DNMT3B: variants seen among roughly 807,000 people sequenced by gnomAD.
DNMT3B encodes DNA methyltransferase 3 beta, also known as DNA (cytosine-5)-methyltransferase 3B.
In DNMT3B, 37 loss-of-function variants were observed where a neutral mutation model predicts 120.2. The observed-to-expected ratio is 0.31, with a 90% CI of 0.24 to 0.40. DNMT3B has a LOEUF of 0.40. DNMT3B is among the 10% of genes least tolerant of loss of function. The pLI is 1.00. For synonymous variants in DNMT3B, 412 were observed against 442.8 expected (o/e 0.93, Z 0.87); for missense variants, 878 against 1,137.3 (o/e 0.77, Z 3.28).
At chr20:32,788,368 G>A (rs1034176025) in intron 6 of DNMT3B, among the ~76,000 whole-genome samples, 3 of 152,144 alleles carry the variant, frequency 2.0e-5, no homozygotes, top group African/African-American at 7.2e-5. Context: ...TTAATTAACC[G>A]ATTCAGGTTG....
chr20:32,797,150 G>A (rs777294366), intron 13 of DNMT3B, 37 bp from the exon 14 acceptor site: 4 of 1,610,566 alleles, frequency 2.5e-6, no homozygotes, highest in Admixed American at 1.7e-5. Flanking sequence ...CCCTTCTCTG[G>A]TCTCCGATTT....
chr20:32,786,659 G>T (rs745567420), intron 5 of DNMT3B, 32 bp downstream of exon 5: 7 of 1,612,924 alleles, frequency 4.3e-6, no homozygotes, highest in South Asian at 2.2e-5. Flanking sequence ...ACCCCTGCCC[G>T]CAGTCTCTAA....
chr20:32,804,884 C>T (rs1981795768), intron 20 of DNMT3B, among the ~76,000 whole-genome samples: 1 of 152,078 alleles, frequency 6.6e-6, no homozygotes, highest in Non-Finnish European at 1.5e-5. Flanking sequence ...CCTCCTGAGG[C>T]TGTATCCCCA....
Position 32,808,016 on chromosome 20 carries a change from G to A in DNMT3B, c.*113G>A, listed in dbSNP as rs563626929. The A allele has an allele frequency of 2.7e-4, 416 of 1,568,388 alleles. No individual in the cohort carries two copies. The highest frequency in any genetic ancestry group is 1.2e-3 in the Admixed American group (67 of 57,278). On this transcript the variant is annotated 3_prime_UTR_variant, in exon 23 of 23. Transcript: ENST00000328111. The stretch of plus-strand genomic sequence containing the variant: ...CTTCCTCAGCTGTGTGGGTCATACC[G>A]TGTACCTCAGTTCCCTCTTGCTCAG...
chr20:32,764,347 C>A (rs1195182639), intron 1 of DNMT3B, among the ~76,000 whole-genome samples: 1 of 152,196 alleles, frequency 6.6e-6, no homozygotes, highest in African/African-American at 2.4e-5. Flanking sequence ...CCACATTGGG[C>A]CTGGGTAAAG....
At chr20:32,800,322 G>A in intron 17 of DNMT3B, 24 bp downstream of exon 17, 1 of 1,613,764 alleles carries the variant, frequency 6.2e-7, no homozygotes, top group Non-Finnish European at 8.5e-7. Flanking sequence ...GTACCTTGCG[G>A]GCCTCATCTC....
intron 1 of DNMT3B, among the ~76,000 whole-genome samples, chr20:32,764,268 C>T (rs1281371736): frequency 6.6e-6 from 1 of 152,150 alleles, no homozygotes; most frequent in Non-Finnish European, 1.5e-5. Flanking sequence ...AGGATGAAAC[C>T]AGTCTTATGC....
At chr20:32,798,178 G>A (rs1275610852) in intron 14 of DNMT3B, among the ~76,000 whole-genome samples, 3 of 152,142 alleles carry the variant, frequency 2.0e-5, no homozygotes, top group African/African-American at 7.2e-5. Flanking sequence ...CTAATTCCCT[G>A]GTTTGCCAGT....
Position 32,792,740 on chromosome 20 carries a change from G to C in DNMT3B, c.1036G>C (p.Glu346Gln). The change falls in exon 9 of 23, where the codon GAG (glutamate) becomes CAG (glutamine). Residue 346 changes from glutamate to glutamine, a missense_variant. This residue lies in a region of DNMT3B where 207 missense variants were observed against 222.6 expected (regional missense o/e 0.93). Transcript: ENST00000328111. ...CGGGGGCTTCAAGCCCACTGGGATC[G>C]AGGGCCTCAAACCCAACAACACGCA... Reference protein sequence around the residue: ...AHGGFKPTGIEGLKPNNTQPV... With the variant: ...AHGGFKPTGIQGLKPNNTQPV... The C allele has an allele frequency of 1.2e-6, 2 of 1,614,190 alleles. No individual in the cohort carries two copies. Among genetic ancestry groups the C allele is most frequent in the Non-Finnish European group, 1.7e-6 (2 of 1,180,032 alleles).
Position 32,801,336 on chromosome 20 carries a change from G to C in DNMT3B, c.2055G>C (p.Lys685Asn), listed in dbSNP as rs144497819. The C allele has an allele frequency of 6.2e-7, 1 of 1,614,054 alleles. No homozygotes were observed. Among genetic ancestry groups the C allele is most frequent in the African/African-American group, 1.3e-5 (1 of 74,920 alleles). ...FYHLLNYSRP[K>N]EGDDRPFFWM... ...ACCTGCTGAATTACTCACGCCCCAA[G>C]GAGGGTGATGACCGGCCGTTCTTCT... Residue 685 changes from lysine (K) to asparagine (N), a missense_variant, in exon 19 of 23, where the codon AAG becomes AAC. Physicochemically the swap from Lys to Asn is moderately conservative, Grantham distance 94. Around this residue, in one of 4 missense-constraint regions of DNMT3B, gnomAD observed 334 missense variants for 518.8 expected, o/e 0.64. Coordinates refer to ENST00000328111, the MANE Select transcript of DNMT3B (RefSeq NM_006892.4).
intron 1 of DNMT3B, among the ~76,000 whole-genome samples, chr20:32,777,542 A>G (rs1365128554): frequency 6.6e-6 from 1 of 152,116 alleles, no homozygotes; most frequent in African/African-American, 2.4e-5. Flanking sequence ...GTCTGCTACC[A>G]GCTCCTGGCC....
chr20:32,797,439 G>A lies in DNMT3B; in HGVS notation c.1490+140G>A, dbSNP rs1568852995. 6.5e-6 allele frequency: 5 copies of A among 773,960 alleles called. No individual in the cohort carries two copies. The East Asian group carries it at 1.3e-4, about 21-fold the overall frequency. The allele number at this position is 773,960 out of a possible 1,614,324, so 47.9% of individuals were successfully genotyped here. On this transcript the variant is annotated intron_variant, in intron 14 of 22. Transcript: ENST00000328111. ...AATTTGCCCTGGAAGCAGCACACAG[G>A]GTTTATATTTTGTGGTGGCTGTGGT...
At chr20:32,795,267 G>A in intron 10 of DNMT3B, 142 bp from the exon 11 acceptor site, 1 of 1,294,076 alleles carries the variant, frequency 7.7e-7, no homozygotes, top group Non-Finnish European at 1.1e-6. Flanking sequence ...TGCCCATCAA[G>A]GGGCCATATA....
chr20:32,789,603 G>C (rs1459030853), intron 7 of DNMT3B, among the ~76,000 whole-genome samples: 1 of 151,998 alleles, frequency 6.6e-6, no homozygotes, highest in Non-Finnish European at 1.5e-5. Context: ...GATTTTTTTG[G>C]GGGCGGTGAG....
In DNMT3B at chr20:32,781,334, C is replaced by G; in HGVS notation, c.143-19C>G. The stretch of plus-strand genomic sequence containing the variant: ...GTGCCTGCCCCCACAAAACAGACTC[C>G]TGGCTGTTTCCTCTACAGGCCGAAG... On this transcript the variant is annotated intron_variant, in intron 2 of 22. Coordinates refer to ENST00000328111, the MANE Select transcript of DNMT3B (RefSeq NM_006892.4). 1 of 1,613,954 alleles carries G rather than the reference C, an allele frequency of 6.2e-7. No homozygotes were observed. The highest frequency in any genetic ancestry group is 2.2e-5 in the East Asian group (1 of 44,854).
Position 32,796,839 on chromosome 20 carries a change from C to G in DNMT3B, c.1347C>G (p.Leu449=). The change falls in exon 13 of 23, where the codon CTC becomes CTG. Residue 449 remains leucine (L), a synonymous_variant. Coordinates refer to ENST00000328111, the MANE Select transcript of DNMT3B (RefSeq NM_006892.4). ...GRKNPVSFHP[L]FEGGLCQTCR... ...AAAACCCCGTGTCCTTCCACCCTCT[C>G]TTTGAGGGGGGGCTCTGTCAGACAT... is the stretch of plus-strand genomic sequence containing the variant. The G allele has an allele frequency of 1.2e-6, 2 of 1,614,202 alleles. No individual in the cohort carries two copies. The highest frequency in any genetic ancestry group is 4.5e-5 in the East Asian group (2 of 44,882).
At chr20:32,799,377 T>G in intron 16 of DNMT3B, 49 bp downstream of exon 16, 1 of 1,587,242 alleles carries the variant, frequency 6.3e-7, no homozygotes, top group Non-Finnish European at 8.6e-7. Context: ...CACAACAGGG[T>G]AGCCAGGGAG....
intron 20 of DNMT3B, among the ~76,000 whole-genome samples, chr20:32,804,297 A>T (rs1981709946): frequency 6.6e-6 from 1 of 152,178 alleles, no homozygotes; most frequent in Non-Finnish European, 1.5e-5. Flanking sequence ...TATAGTCAGC[A>T]CAAGGCGGGG....
intron 1 of DNMT3B, among the ~76,000 whole-genome samples, chr20:32,775,007 C>T (rs890565868): frequency 1.3e-5 from 2 of 152,078 alleles, no homozygotes; most frequent in African/African-American, 4.8e-5. Flanking sequence ...CAAGCGTGAG[C>T]CACCGCGCCT....
Sources: gnomAD v4.1 joint callset for allele counts (sites outside exome capture counted in the v4.1 genomes callset) on GRCh38, gnomAD v4.1.1 for gene constraint, gnomAD v4.1.1 regional missense constraint, MANE v1.5 for transcripts, NCBI Gene and HGNC (gene_info 2026-07-23, HGNC 2026-07-21) for gene names.